The following MYO16 variants were observed in gnomAD, a reference collection of about 807,000 sequenced individuals.
MYO16 encodes the protein unconventional myosin-XVI.
MYO16 carries 94 observed loss-of-function variants against 205.3 expected under a neutral mutation model. The observed-to-expected ratio is 0.46, with a 90% CI of 0.39 to 0.54. The LOEUF is 0.54. Ranked by LOEUF, MYO16 falls within the 20% of genes least tolerant of loss-of-function variation. MYO16 has a pLI of 0.00. For synonymous variants in MYO16, 988 were observed against 954.0 expected, an observed-to-expected ratio of 1.04 and a Z score of -0.66; for missense variants, 2,315 against 2,387.5, an observed-to-expected ratio of 0.97 and a Z score of 0.63.
chr13:109,082,707 C>T (rs182777833), intron 27 of MYO16, among the ~76,000 whole-genome samples: 2 of 152,064 alleles, frequency 1.3e-5, no homozygotes, highest in Admixed American at 6.5e-5. Context: ...TGGTGGCCCT[C>T]GCCTGTAATC....
chr13:108,496,774 G>T, the MYO16 span, among the ~76,000 whole-genome samples: 1 of 152,220 alleles, frequency 6.6e-6, no homozygotes, highest in Non-Finnish European at 1.5e-5. Flanking sequence ...TTAAAATTGG[G>T]TGTTAACCGT....
rs553786649 is a variant in MYO16, at chr13:108,687,492, T to C, written c.292+21343T>C. On this transcript the variant is annotated intron_variant, in intron 2 of 34. Coordinates refer to ENST00000457511, the MANE Select transcript of MYO16 (RefSeq NM_001198950.3). ...CTCTCATAGTTGCACAAATTTTACT[T>C]TAAGATTCAAAATTCCTGTAGCTTC... Among the ~76,000 whole-genome samples the C allele has an allele frequency of 4.0e-5, 6 of 150,700 alleles. No individual in the cohort carries two copies. The East Asian group carries it at 9.9e-4, about 25-fold the overall frequency.
rs139224248 is a variant in MYO16, at chr13:108,850,513, A to G, written c.1249-4930A>G. Among the ~76,000 whole-genome samples the G allele has an allele frequency of 4.2e-3, 647 of 152,334 alleles. 19 individuals carry two copies. The highest frequency in any genetic ancestry group is 0.032 in the Admixed American group (488 of 15,302). ...TATAGAATAAAAACCATAATGGTCA[A>G]TTTTGGAGAGGACAGGCAATCTTTT... On this transcript the variant is annotated intron_variant, in intron 10 of 34. Coordinates refer to ENST00000457511, the MANE Select transcript of MYO16 (RefSeq NM_001198950.3).
intron 16 of MYO16, among the ~76,000 whole-genome samples, chr13:108,941,698 TAAAA>T (rs1882732317): frequency 7.7e-6 from 1 of 130,498 alleles, no homozygotes; most frequent in Admixed American, 7.5e-5. Flanking sequence ...AAAAAAAAGG[TAAAA>T]GAAAAAAAAA....
the MYO16 span, among the ~76,000 whole-genome samples, chr13:108,558,073 A>C: frequency 2.0e-5 from 3 of 152,230 alleles, no homozygotes; most frequent in Admixed American, 2.0e-4. Context: ...GAAAGATTAA[A>C]AATTTTAGGA....
chr13:108,842,040 G>C (rs1237399857), intron 9 of MYO16, among the ~76,000 whole-genome samples: 1 of 151,938 alleles, frequency 6.6e-6, no homozygotes, highest in Non-Finnish European at 1.5e-5. Flanking sequence ...AATGAAATTG[G>C]ACCCTTTTCT....
At chr13:108,691,475 G>C (rs1396013856) in intron 2 of MYO16, among the ~76,000 whole-genome samples, 1 of 152,092 alleles carries the variant, frequency 6.6e-6, no homozygotes, top group Admixed American at 6.5e-5. Flanking sequence ...GAAAGAGTGA[G>C]ATATTTGTAC....
chr13:109,119,004 C>G (rs887770389), intron 28 of MYO16, among the ~76,000 whole-genome samples: 25 of 152,262 alleles, frequency 1.6e-4, no homozygotes, highest in African/African-American at 5.8e-4. Context: ...AACTAATTAG[C>G]CTGACTGTCA....
At chr13:108,623,330 C>A (rs1879611069) in intron 1 of MYO16, among the ~76,000 whole-genome samples, 1 of 152,160 alleles carries the variant, frequency 6.6e-6, no homozygotes, top group Non-Finnish European at 1.5e-5. Flanking sequence ...AGTGTACATT[C>A]TTTTTCTAGA....
the MYO16 span, among the ~76,000 whole-genome samples, chr13:108,528,578 C>T: frequency 2.5e-4 from 24 of 95,574 alleles, no homozygotes; most frequent in Non-Finnish European, 3.6e-4. Context: ...TCTCCCCTCC[C>T]CTCCCCTTTC....
At chr13:108,843,841 G>T (rs1877373868) in intron 9 of MYO16, among the ~76,000 whole-genome samples, 1 of 151,960 alleles carries the variant, frequency 6.6e-6, no homozygotes, top group Non-Finnish European at 1.5e-5. Context: ...TTGTAATATT[G>T]CAGTCCTTAA....
chr13:109,055,749 G>A lies in MYO16; in HGVS notation c.3335+154G>A. The A allele has an allele frequency of 1.6e-6, 1 of 635,790 alleles. No homozygotes were observed. Among genetic ancestry groups the A allele is most frequent in the Non-Finnish European group, 2.7e-6 (1 of 368,892 alleles). 39.4% of individuals were successfully genotyped at this position (635,790 alleles called of 1,614,324 possible). A position where few individuals can be genotyped will look rare whatever the true frequency, so the allele number is the denominator to read the frequency against. On this transcript the variant is annotated intron_variant, in intron 27 of 34. Transcript: ENST00000457511. The surrounding 1 kb of genome is among the most constrained non-coding windows in gnomAD (Gnocchi z 5.0). Reference sequence around the variant, plus strand: ...ATCTCCAATAAACAAAATATTCTGGGAAACAATGAAATACACTGACAAAGC... The same window carrying A: ...ATCTCCAATAAACAAAATATTCTGGAAAACAATGAAATACACTGACAAAGC...
intron 4 of MYO16, among the ~76,000 whole-genome samples, chr13:108,741,767 A>G (rs1332560947): frequency 2.0e-5 from 3 of 152,210 alleles, no homozygotes; most frequent in Non-Finnish European, 4.4e-5. Context: ...TCTGAGTTTT[A>G]AGTATGAAAT....
intron 1 of MYO16, among the ~76,000 whole-genome samples, chr13:108,612,698 G>T (rs1879219307): frequency 6.6e-6 from 1 of 152,062 alleles, no homozygotes; most frequent in Non-Finnish European, 1.5e-5. Context: ...CATCTATCAG[G>T]GTGGGGTTGG....
intron 32 of MYO16, among the ~76,000 whole-genome samples, chr13:109,151,006 A>G (rs896950291): frequency 6.6e-6 from 1 of 152,214 alleles, no homozygotes; most frequent in Non-Finnish European, 1.5e-5. Context: ...AACATGGTGC[A>G]TGGAATATTG....
chr13:108,556,424 A>G, the MYO16 span, among the ~76,000 whole-genome samples: 6,703 of 152,186 alleles, frequency 0.044, 441 homozygotes, highest in African/African-American at 0.15. Context: ...GGCCATTTGT[A>G]TGAATTCTTT....
chr13:108,625,332 A>G (rs1204039988), upstream of MYO16, among the ~76,000 whole-genome samples: 1 of 152,182 alleles, frequency 6.6e-6, no homozygotes, highest in Non-Finnish European at 1.5e-5. Flanking sequence ...TTTATGAGAG[A>G]GTCAAGGATG....
intron 14 of MYO16, among the ~76,000 whole-genome samples, chr13:108,893,420 C>G (rs915213074): frequency 6.6e-6 from 1 of 152,092 alleles, no homozygotes; most frequent in Non-Finnish European, 1.5e-5. Flanking sequence ...ATTAATTAGT[C>G]TGTGATAAAA....
chr13:108,694,345 T>C (rs1243683614), intron 2 of MYO16, among the ~76,000 whole-genome samples: 1 of 152,240 alleles, frequency 6.6e-6, no homozygotes, highest in Non-Finnish European at 1.5e-5. Context: ...TTAATGTTTT[T>C]AATAACTACT....
Sources: allele counts gnomAD v4.1 joint callset (sites outside exome capture counted in the v4.1 genomes callset), GRCh38; gene constraint gnomAD v4.1.1; non-coding constraint Gnocchi (gnomAD v3.1); transcripts MANE v1.5; gene names NCBI Gene and HGNC (gene_info 2026-07-23, HGNC 2026-07-21).